Variants in BTRC observed in about 807,000 individuals in gnomAD.
BTRC encodes the protein beta-transducin repeat containing E3 ubiquitin protein ligase, also known as F-box/WD repeat-containing protein 1A.
A neutral mutation model predicts 85.5 loss-of-function variants in BTRC; 42 were observed. That is an observed-to-expected ratio of 0.49 (90% CI 0.38 to 0.64). The LOEUF (loss-of-function observed/expected upper bound fraction) is 0.64, where lower values mean the gene tolerates loss of function less well. Ranked by LOEUF, BTRC falls within the 30% of genes least tolerant of loss-of-function variation. BTRC has a pLI of 0.00. For synonymous variants in BTRC, 255 were observed against 263.3 expected (o/e 0.97, Z 0.30); for missense variants, 594 against 743.5 (o/e 0.80, Z 2.34).
At chr10:101,357,183 C>G (rs1267152150) in intron 1 of BTRC, among the ~76,000 whole-genome samples, 1 of 151,330 alleles carries the variant, frequency 6.6e-6, no homozygotes, top group Non-Finnish European at 1.5e-5. Context: ...TGGCTCATGC[C>G]TGTAATCCCA....
intron 1 of BTRC, among the ~76,000 whole-genome samples, chr10:101,425,244 C>T (rs569679650): frequency 2.0e-5 from 3 of 152,202 alleles, no homozygotes; most frequent in Admixed American, 2.0e-4. Flanking sequence ...TATCGCATTG[C>T]AGCATTTCAA....
At chr10:101,468,410 G>T (rs1284108465) in intron 3 of BTRC, among the ~76,000 whole-genome samples, 1 of 151,862 alleles carries the variant, frequency 6.6e-6, no homozygotes, top group Non-Finnish European at 1.5e-5. Context: ...GGGGTGGGGT[G>T]GGAGGAAGCC....
intron 4 of BTRC, among the ~76,000 whole-genome samples, chr10:101,510,167 CT>C (rs1289634550): frequency 2.0e-5 from 3 of 151,522 alleles, no homozygotes; most frequent in African/African-American, 7.3e-5. Context: ...AAGAAAGATG[CT>C]TTTACAAAGA....
chr10:101,457,947 T>TG, intron 2 of BTRC, among the ~76,000 whole-genome samples: 1 of 152,344 alleles, frequency 6.6e-6, no homozygotes, highest in East Asian at 1.9e-4. Context: ...TTGTATTATA[T>TG]CTGCTTATAA....
chr10:101,398,214 G>A lies in BTRC; in HGVS notation c.49-32131G>A, dbSNP rs144175971. ...TATATTACAAATAAGGTGGAAGAAGGTGGAGTTCTGTAAGACCGGACACAT... is the reference window on the plus strand; with the variant it reads ...TATATTACAAATAAGGTGGAAGAAGATGGAGTTCTGTAAGACCGGACACAT... On this transcript the variant is annotated intron_variant, in intron 1 of 14. Coordinates refer to ENST00000370187, the MANE Select transcript of BTRC (RefSeq NM_033637.4). Among the ~76,000 whole-genome samples, 623 of 152,258 alleles carry A rather than the reference G, an allele frequency of 4.1e-3. 3 individuals are homozygous for A. The highest frequency in any genetic ancestry group is 9.7e-3 in the Admixed American group (149 of 15,296).
chr10:101,426,446 G>T (rs938503065), intron 1 of BTRC, among the ~76,000 whole-genome samples: 6 of 152,052 alleles, frequency 3.9e-5, no homozygotes, highest in African/African-American at 1.4e-4. Context: ...AAATCACACC[G>T]GTATATCTAG....
chr10:101,409,801 C>G (rs1943727312), intron 1 of BTRC, among the ~76,000 whole-genome samples: 1 of 152,182 alleles, frequency 6.6e-6, no homozygotes, highest in African/African-American at 2.4e-5. Context: ...ATTTGTTTAT[C>G]TGTTTATTCG....
intron 1 of BTRC, among the ~76,000 whole-genome samples, chr10:101,360,660 C>T (rs113490639): frequency 1.8e-4 from 27 of 152,196 alleles, no homozygotes; most frequent in African/African-American, 6.3e-4. Context: ...CATTAGCTAC[C>T]GCGTCTGGCC....
intron 2 of BTRC, among the ~76,000 whole-genome samples, chr10:101,457,339 G>A (rs916481955): frequency 1.3e-5 from 2 of 152,316 alleles, no homozygotes. Flanking sequence ...GAGCCATGAA[G>A]ATGTTGGTGG....
At chr10:101,389,224 G>A (rs1417651335) in intron 1 of BTRC, among the ~76,000 whole-genome samples, 1 of 139,758 alleles carries the variant, frequency 7.2e-6, no homozygotes, top group African/African-American at 2.7e-5. Flanking sequence ...ATCATCATTG[G>A]CTCCTCACTT....
At chr10:101,363,626 G>A (rs751914934) in intron 1 of BTRC, among the ~76,000 whole-genome samples, 5 of 151,906 alleles carry the variant, frequency 3.3e-5, no homozygotes, top group Non-Finnish European at 7.4e-5. Flanking sequence ...GCCCGGCTAA[G>A]TTTTGTATTT....
intron 8 of BTRC, 61 bp downstream of exon 8, chr10:101,532,493 G>T (rs745421463): frequency 6.7e-7 from 1 of 1,483,588 alleles, no homozygotes; most frequent in Non-Finnish European, 9.0e-7. Flanking sequence ...CATTCATAGC[G>T]CAGTCTAAAG....
chr10:101,517,654 T>G (rs1350392594), intron 4 of BTRC, among the ~76,000 whole-genome samples: 1 of 152,222 alleles, frequency 6.6e-6, no homozygotes, highest in Non-Finnish European at 1.5e-5. Context: ...TTTGTGATTA[T>G]CCTTTAAAGA....
At chr10:101,478,667 C>T (rs1945754780) in intron 3 of BTRC, among the ~76,000 whole-genome samples, 1 of 151,576 alleles carries the variant, frequency 6.6e-6, no homozygotes, top group South Asian at 2.1e-4. Flanking sequence ...TAGCGTGCCC[C>T]TGTAGTCCCC....
intron 1 of BTRC, among the ~76,000 whole-genome samples, chr10:101,362,040 A>C (rs551305493): frequency 1.3e-5 from 2 of 152,100 alleles, no homozygotes; most frequent in Non-Finnish European, 2.9e-5. Context: ...AGCTCACTGC[A>C]ACCCCCGACT....
intron 1 of BTRC, among the ~76,000 whole-genome samples, chr10:101,355,610 T>C (rs1942012203): frequency 6.6e-6 from 1 of 152,202 alleles, no homozygotes; most frequent in Non-Finnish European, 1.5e-5. Flanking sequence ...TCAGAAGTTA[T>C]TGTGACTTGT....
At chr10:101,543,360 G>T (rs2062501698) in intron 13 of BTRC, among the ~76,000 whole-genome samples, 1 of 151,792 alleles carries the variant, frequency 6.6e-6, no homozygotes, top group South Asian at 2.1e-4. Flanking sequence ...ATTAGTGTCT[G>T]TGTGGTGTAT....
At chr10:101,383,464 G>C (rs1050821268) in intron 1 of BTRC, among the ~76,000 whole-genome samples, 1 of 150,284 alleles carries the variant, frequency 6.7e-6, no homozygotes, top group Non-Finnish European at 1.5e-5. Context: ...CTTGCCATTC[G>C]AGCAGATATT....
At chr10:101,541,854 G>A (rs1320733735) in intron 13 of BTRC, among the ~76,000 whole-genome samples, 2 of 152,024 alleles carry the variant, frequency 1.3e-5, no homozygotes, top group Non-Finnish European at 2.9e-5. Context: ...GGATTTTTGT[G>A]TGTGTGTGTA....
Sources: gnomAD v4.1 joint callset for allele counts (sites outside exome capture counted in the v4.1 genomes callset) on GRCh38, gnomAD v4.1.1 for gene constraint, MANE v1.5 for transcripts, NCBI Gene and HGNC (gene_info 2026-07-23, HGNC 2026-07-21) for gene names.